Variants in PSD3 observed in about 807,000 individuals in gnomAD.
PSD3 encodes the protein PH and SEC7 domain-containing protein 3.
In PSD3, 49 loss-of-function variants were observed where a neutral mutation model predicts 105.5. That is an observed-to-expected ratio of 0.46 (90% confidence interval 0.37 to 0.59). The LOEUF (loss-of-function observed/expected upper bound fraction) is 0.59, where lower values mean the gene tolerates loss of function less well. Among genes scored for constraint, PSD3 ranks in the 20% least tolerant of loss-of-function variants. The pLI is 0.00. For missense variants in PSD3, 1,561 were observed against 1,263.8 expected (o/e 1.24, Z -3.57); for synonymous variants, 557 against 457.8 (o/e 1.22, Z -2.77).
At chr8:18,797,198 A>G (rs1447449743) in intron 8 of PSD3, among the ~76,000 whole-genome samples, 1 of 152,204 alleles carries the variant, frequency 6.6e-6, no homozygotes, top group Non-Finnish European at 1.5e-5. Context: ...AAACTAATAC[A>G]TAAAACCTAA....
At chr8:18,643,722 C>T (rs1013313092) in intron 10 of PSD3, among the ~76,000 whole-genome samples, 1 of 152,200 alleles carries the variant, frequency 6.6e-6, no homozygotes, top group African/African-American at 2.4e-5. Context: ...GGGGTTGGGC[C>T]CCCAAGGCCT....
At chr8:19,078,866 G>A (rs1172453459) in intron 1 of PSD3, among the ~76,000 whole-genome samples, 1 of 151,566 alleles carries the variant, frequency 6.6e-6, no homozygotes. Flanking sequence ...AAGAGAAAGA[G>A]GGATCAGAGA....
At chr8:18,876,690 G>A (rs1563375754) in intron 2 of PSD3, among the ~76,000 whole-genome samples, 2 of 152,054 alleles carry the variant, frequency 1.3e-5, no homozygotes, top group Non-Finnish European at 2.9e-5. Context: ...ATGAACCACC[G>A]CATCTGGCCT....
intron 11 of PSD3, among the ~76,000 whole-genome samples, chr8:18,619,170 G>T (rs1260575393): frequency 6.6e-6 from 1 of 151,980 alleles, no homozygotes; most frequent in Non-Finnish European, 1.5e-5. Context: ...ACCCCCTCTT[G>T]ACCAAAAGAA....
At chr8:18,807,630 C>T (rs7837572) in intron 4 of PSD3, among the ~76,000 whole-genome samples, 36,448 of 152,056 alleles carry the variant, frequency 0.24, 4,978 homozygotes, top group African/African-American at 0.37. Flanking sequence ...AATGGCAGAA[C>T]AGCAGGCATT....
At chr8:18,933,377 T>C (rs892428782) in intron 2 of PSD3, among the ~76,000 whole-genome samples, 5 of 146,348 alleles carry the variant, frequency 3.4e-5, no homozygotes, top group Non-Finnish European at 6.0e-5. Flanking sequence ...AAATCAGTTT[T>C]ATTATAGCCA....
chr8:18,744,844 C>T (rs2410584), intron 9 of PSD3, among the ~76,000 whole-genome samples: 142,114 of 152,296 alleles, frequency 0.93, 66,376 homozygotes, highest in Middle Eastern at 0.96. Flanking sequence ...CCTTCAGTTA[C>T]TATGGCTTCT....
intron 11 of PSD3, among the ~76,000 whole-genome samples, chr8:18,627,245 G>T (rs1431020002): frequency 6.6e-6 from 1 of 151,978 alleles, no homozygotes; most frequent in Non-Finnish European, 1.5e-5. Flanking sequence ...GAGTTGAGGA[G>T]GTAAGAAAGG....
At chr8:18,890,033 A>C (rs1818685162) in intron 2 of PSD3, among the ~76,000 whole-genome samples, 1 of 152,230 alleles carries the variant, frequency 6.6e-6, no homozygotes, top group Non-Finnish European at 1.5e-5. Flanking sequence ...ACCTGATATA[A>C]GATTTTTAGA....
intron 9 of PSD3, among the ~76,000 whole-genome samples, chr8:18,746,718 G>C (rs1431602780): frequency 6.6e-6 from 1 of 152,108 alleles, no homozygotes; most frequent in African/African-American, 2.4e-5. Flanking sequence ...ATTTATGTTC[G>C]TTCTTTCCTT....
At chr8:18,941,263 T>C (rs781105804) in intron 1 of PSD3, among the ~76,000 whole-genome samples, 3 of 152,220 alleles carry the variant, frequency 2.0e-5, no homozygotes, top group Non-Finnish European at 4.4e-5. Flanking sequence ...GACTTAAATC[T>C]CGGCTCGATA....
chr8:18,584,647 C>G (rs1032483671), intron 12 of PSD3, among the ~76,000 whole-genome samples: 1 of 152,192 alleles, frequency 6.6e-6, no homozygotes, highest in African/African-American at 2.4e-5. Context: ...GGCAATCTGC[C>G]AAGCCGTTTC....
At chr8:19,066,901 G>A (rs184074574) in intron 1 of PSD3, among the ~76,000 whole-genome samples, 2 of 152,246 alleles carry the variant, frequency 1.3e-5, no homozygotes, top group East Asian at 3.9e-4. Context: ...CATTTCCATA[G>A]CATCTTGACA....
At chr8:18,778,631 A>C (rs1808316035) in intron 8 of PSD3, among the ~76,000 whole-genome samples, 1 of 148,488 alleles carries the variant, frequency 6.7e-6, no homozygotes, top group Non-Finnish European at 1.5e-5. Context: ...TTCTATGTCT[A>C]ATTTATTGAG....
At chr8:18,704,742 T>C (rs369867874) in intron 9 of PSD3, among the ~76,000 whole-genome samples, 4 of 152,142 alleles carry the variant, frequency 2.6e-5, no homozygotes, top group East Asian at 3.9e-4. Context: ...TCTGCCTTCC[T>C]ACAACATTCA....
chr8:18,587,201 G>A (rs1018055773), intron 12 of PSD3, among the ~76,000 whole-genome samples: 2 of 152,236 alleles, frequency 1.3e-5, no homozygotes, highest in East Asian at 3.9e-4. Flanking sequence ...CAGGTCACAT[G>A]CCCCACACAG....
chr8:18,585,063 T>A (rs1291397021), intron 12 of PSD3, among the ~76,000 whole-genome samples: 2 of 152,146 alleles, frequency 1.3e-5, no homozygotes, highest in Non-Finnish European at 2.9e-5. Flanking sequence ...TTATGCCACA[T>A]CGCTAGCTCC....
intron 14 of PSD3, among the ~76,000 whole-genome samples, chr8:18,560,600 T>A (rs534623878): frequency 6.6e-6 from 1 of 152,056 alleles, no homozygotes; most frequent in East Asian, 1.9e-4. Flanking sequence ...GTTGTTGTGG[T>A]TATATGTCAA....
chr8:18,535,428 A>C lies in PSD3; in HGVS notation c.*315T>G, dbSNP rs528623169. ...AGTTTAACAGTTGATATGAGAATAC[A>C]TAAAACAACTGAGCAGACTGCAAAC... On this transcript the variant is annotated 3_prime_UTR_variant, in exon 16 of 16. Transcript: ENST00000327040. 3.2e-6 allele frequency: 1 copy of C among 314,608 alleles called. No individual in the cohort carries two copies. Among genetic ancestry groups the C allele is most frequent in the Non-Finnish European group, 5.9e-6 (1 of 168,508 alleles). The allele number at this position is 314,608 out of a possible 1,614,324, so 19.5% of individuals were successfully genotyped here.
Sources: gnomAD v4.1 joint callset for allele counts (sites outside exome capture counted in the v4.1 genomes callset) on GRCh38, gnomAD v4.1.1 for gene constraint, MANE v1.5 for transcripts, NCBI Gene and HGNC (gene_info 2026-07-23, HGNC 2026-07-21) for gene names.